The following KRT20 variants were observed in gnomAD, a reference collection of about 807,000 sequenced individuals.
KRT20 encodes the protein keratin 20.
A neutral mutation model predicts 43.0 loss-of-function variants in KRT20; 41 were observed. That is an observed-to-expected ratio of 0.95 (90% CI 0.74 to 1.24). The LOEUF (loss-of-function observed/expected upper bound fraction) is 1.24, where lower values mean the gene tolerates loss of function less well. Among genes scored for constraint, KRT20 ranks in the 50% most tolerant of loss-of-function variants. The pLI is 0.00. For synonymous variants in KRT20, 207 were observed against 200.6 expected (o/e 1.03, Z -0.27); for missense variants, 533 against 521.2 (o/e 1.02, Z -0.22).
At position 40,880,639 on chromosome 17, in the gene KRT20, G is replaced by C. The variant is rs774923196; in HGVS notation, c.605C>G (p.Ala202Gly). 9.3e-6 allele frequency: 15 copies of C among 1,612,954 alleles called. No individual in the cohort carries two copies. Among genetic ancestry groups the C allele is most frequent in the Non-Finnish European group, 1.7e-6 (2 of 1,179,634 alleles). Residue 202 changes from alanine to glycine, a missense_variant, in exon 3 of 8, where the codon GCT (alanine) becomes GGT (glycine). Transcript: ENST00000167588. Reference sequence around the variant, plus strand: ...CTCCTGATGCTCCTTTTTGAGGAGAGCTAGGTCTTTATTCAGTTCTTCAAT... The same window carrying C: ...CTCCTGATGCTCCTTTTTGAGGAGACCTAGGTCTTTATTCAGTTCTTCAAT... ...IQIEELNKDL[A>G]LLKKEHQEEV...
chr17:40,883,056 A>T (rs1273424446), intron 1 of KRT20, among the ~76,000 whole-genome samples: 4 of 152,194 alleles, frequency 2.6e-5, no homozygotes, highest in African/African-American at 9.7e-5. Context: ...GATTTAGTTT[A>T]TCCCCAGCTA....
At chr17:40,882,030 G>A (rs1907623338) in intron 2 of KRT20, among the ~76,000 whole-genome samples, 2 of 152,018 alleles carry the variant, frequency 1.3e-5, no homozygotes, top group African/African-American at 2.4e-5. Flanking sequence ...ACGGCATCAC[G>A]CCCAGCTAAT....
intron 2 of KRT20, among the ~76,000 whole-genome samples, chr17:40,882,134 G>A (rs1449613481): frequency 6.6e-6 from 1 of 152,168 alleles, no homozygotes; most frequent in African/African-American, 2.4e-5. Flanking sequence ...TGGAACTTGG[G>A]TCATACACTT....
chr17:40,879,822 A>G lies in KRT20; in HGVS notation c.909T>C (p.His303=), dbSNP rs1453358125. Residue 303 remains histidine, a synonymous_variant, in exon 5 of 8, where the codon CAT becomes CAC. Coordinates refer to ENST00000167588, the MANE Select transcript of KRT20 (RefSeq NM_019010.3). ...GTTAGATATGCTTTACCATGCTGAG[A>G]TGGGACTGGAGTTCTATCTCAAGGC... The part of the protein sequence containing the change: ...SQSLEIELQS[H]LSMKESLEHT... The G allele has an allele frequency of 2.5e-6, 4 of 1,612,898 alleles. No individual in the cohort carries two copies. The highest frequency in any genetic ancestry group is 3.4e-6 in the Non-Finnish European group (4 of 1,179,862).
intron 1 of KRT20, among the ~76,000 whole-genome samples, chr17:40,884,565 G>T (rs1343004172): frequency 6.6e-6 from 1 of 152,128 alleles, no homozygotes; most frequent in African/African-American, 2.4e-5. Context: ...AGGATAAAAT[G>T]TTCATATTTT....
At position 40,885,079 on chromosome 17, in the gene KRT20, T is replaced by A; in HGVS notation, c.107A>T (p.Tyr36Phe). 6.2e-7 allele frequency: 1 copy of A among 1,614,126 alleles called. No homozygotes were observed. Among genetic ancestry groups the A allele is most frequent in the Non-Finnish European group, 8.5e-7 (1 of 1,180,020 alleles). Residue 36 changes from tyrosine to phenylalanine, a missense_variant, in exon 1 of 8, where the codon TAT becomes TTT. Transcript: ENST00000167588. ...GATGCCCCGGCCTCCAGCACCCCCA[T>A]AAACGCTGGGTGTCGTCCCGAGGCG... ...MQRLGTTPSV[Y>F]GGAGGRGIRI...
At chr17:40,877,468 A>C (rs1248576018) in intron 6 of KRT20, 51 bp from the exon 7 acceptor site, 1 of 1,228,976 alleles carries the variant, frequency 8.1e-7, no homozygotes, top group Non-Finnish European at 1.1e-6. Flanking sequence ...AAAAAGCATT[A>C]TTGCTGTTTT....
At chr17:40,881,991 G>T (rs1328353570) in intron 2 of KRT20, among the ~76,000 whole-genome samples, 1 of 151,706 alleles carries the variant, frequency 6.6e-6, no homozygotes, top group Admixed American at 6.6e-5. Context: ...TCCTGCCTCA[G>T]CCTCCGGAGT....
rs754052870 is a variant in KRT20 at position 40,878,335 on chromosome 17, T to A, written c.949A>T (p.Thr317Ser). Residue 317 changes from threonine to serine, a missense_variant, in exon 6 of 8, where the codon ACC (threonine) becomes TCC (serine). Physicochemically the swap from Thr to Ser is moderately conservative, Grantham distance 58. Coordinates refer to ENST00000167588, the MANE Select transcript of KRT20 (RefSeq NM_019010.3). ...KESLEHTLEETKARYSSQLAN... is the reference protein window; with the variant it reads ...KESLEHTLEESKARYSSQLAN... ...AACTGGCTGCTGTAACGGGCCTTGG[T>A]CTCCTCTAGAGTGTGCTCCAAAGAC... The A allele has an allele frequency of 6.2e-7, 1 of 1,614,140 alleles. No homozygotes were observed. Among genetic ancestry groups the A allele is most frequent in the Non-Finnish European group, 8.5e-7 (1 of 1,180,014 alleles).
At chr17:40,878,061 G>T in intron 6 of KRT20, 84 bp downstream of exon 6, 2 of 1,148,054 alleles carry the variant, frequency 1.7e-6, no homozygotes, top group Non-Finnish European at 2.6e-6. Flanking sequence ...GGATTGCATT[G>T]GTGCTGGGTA....
intron 5 of KRT20, 36 bp downstream of exon 5, chr17:40,879,777 T>C (rs1245491517): frequency 6.2e-7 from 1 of 1,610,870 alleles, no homozygotes; most frequent in Non-Finnish European, 8.5e-7. Flanking sequence ...GGTAAACACA[T>C]ACTAGATTGA....
intron 5 of KRT20, among the ~76,000 whole-genome samples, chr17:40,879,501 A>T (rs980833025): frequency 1.3e-5 from 2 of 152,124 alleles, no homozygotes; most frequent in Non-Finnish European, 2.9e-5. Flanking sequence ...AATCCCCATG[A>T]CACAAGTTTA....
chr17:40,880,796 T>A, intron 2 of KRT20, 26 bp from the exon 3 acceptor site: 1 of 1,463,114 alleles, frequency 6.8e-7, no homozygotes, highest in Non-Finnish European at 9.0e-7. Flanking sequence ...TGTACAGAGA[T>A]AACTGGTCCT....
chr17:40,879,684 G>T, intron 5 of KRT20, 129 bp downstream of exon 5: 2 of 984,040 alleles, frequency 2.0e-6, no homozygotes, highest in South Asian at 1.7e-5. Context: ...CAGTTGTTCG[G>T]CCTGTTTCCC....
intron 5 of KRT20, 33 bp from the exon 6 acceptor site, chr17:40,878,398 T>C (rs768379262): frequency 2.0e-6 from 3 of 1,485,916 alleles, no homozygotes; most frequent in East Asian, 2.3e-5. Context: ...GCACTTCTTA[T>C]GTGAGGACTT....
rs34632722 is a variant in KRT20, at chr17:40,881,227, C to CTGTGTGTGTGTGTGTGTG, written c.474-475_474-458dup. 2.6e-3 allele frequency among the ~76,000 whole-genome samples: 384 copies of CTGTGTGTGTGTGTGTGTG among 145,756 alleles called. 3 individuals are homozygous for CTGTGTGTGTGTGTGTGTG. The highest frequency in any genetic ancestry group is 9.3e-3 in the African/African-American group (366 of 39,268). The stretch of plus-strand genomic sequence containing the variant: ...CCTCCTCTACAATCTTACATACACA[C>CTGTGTGTGTGTGTGTGTG]TGTGTGTGTGTGTGTGTGTGTGTGT... On this transcript the variant is annotated intron_variant, in intron 2 of 7. Transcript: ENST00000167588.
At chr17:40,884,418 C>G (rs1248264229) in intron 1 of KRT20, among the ~76,000 whole-genome samples, 1 of 152,112 alleles carries the variant, frequency 6.6e-6, no homozygotes, top group Non-Finnish European at 1.5e-5. Context: ...ACTGGGGTTT[C>G]AAAACTTGAT....
chr17:40,880,505 TATC>T lies in KRT20; in HGVS notation c.630+106_630+108del, dbSNP rs1907546827. The T allele has an allele frequency of 5.3e-6, 5 of 944,302 alleles. No individual in the cohort carries two copies. In the South Asian group the frequency reaches 8.1e-5, roughly 15 times the overall value. 58.5% of individuals were successfully genotyped at this position (944,302 alleles called of 1,614,324 possible). On this transcript the variant is annotated intron_variant, in intron 3 of 7. Transcript: ENST00000167588. Reference sequence around the variant, plus strand: ...TTGTCATCGTCATCATCTCTGTCACTATCACCACCAACTCTTCCCCCTTCTCCT... The same window carrying T: ...TTGTCATCGTCATCATCTCTGTCACTACCACCAACTCTTCCCCCTTCTCCT...
intron 6 of KRT20, 125 bp from the exon 7 acceptor site, chr17:40,877,542 T>C: frequency 3.6e-6 from 2 of 553,976 alleles, no homozygotes; most frequent in Non-Finnish European, 6.1e-6. Flanking sequence ...ATTGCTTTCA[T>C]ATATCTTTCC....
Sources: gnomAD v4.1 joint callset for allele counts (sites outside exome capture counted in the v4.1 genomes callset) on GRCh38, gnomAD v4.1.1 for gene constraint, MANE v1.5 for transcripts, NCBI Gene and HGNC (gene_info 2026-07-23, HGNC 2026-07-21) for gene names.